PCDHA6: variants seen among roughly 807,000 people sequenced by gnomAD.
PCDHA6 encodes protocadherin alpha 6.
In PCDHA6, 55 loss-of-function variants were observed where a neutral mutation model predicts 60.3. The ratio of observed to expected loss-of-function variants is 0.91; its 90% CI spans 0.73 to 1.14. PCDHA6 has a LOEUF of 1.14. Among genes scored for constraint, PCDHA6 ranks in the 50% most tolerant of loss-of-function variants. The pLI is 0.00. For synonymous variants in PCDHA6, 652 were observed against 557.9 expected (o/e 1.17, Z -2.38); for missense variants, 1,327 against 1,256.5 (o/e 1.06, Z -0.85).
At position 140,838,077 on chromosome 5, in the gene PCDHA6, A is replaced by T. The variant is rs13165987; in HGVS notation, c.2394+7592A>T. ...TTTCCACTTTAAGTTATATATATATAGTGTGTGTGTGTGTGTGTGTGTGTG... is the reference window on the plus strand; with the variant it reads ...TTTCCACTTTAAGTTATATATATATTGTGTGTGTGTGTGTGTGTGTGTGTG... On this transcript the variant is annotated intron_variant, in intron 1 of 3. Coordinates refer to ENST00000529310, the MANE Select transcript of PCDHA6 (RefSeq NM_018909.4). 6.6e-3 allele frequency among the ~76,000 whole-genome samples: 531 copies of T among 80,680 alleles called. 3 individuals carry two copies. The highest frequency in any genetic ancestry group is 0.029 in the Middle Eastern group (4 of 136). The allele number at this position is 80,680 out of a possible 152,430, so 52.9% of individuals were successfully genotyped here. A position where few individuals can be genotyped will look rare whatever the true frequency, so the allele number is the denominator to read the frequency against.
chr5:140,851,939 T>C lies in PCDHA6; in HGVS notation c.2394+21454T>C, dbSNP rs1034912000. ...ATGTTATGTTTCCTGAATTGTAGTATGTGACTTTCAAAATGGTGGTTTTCC... is the reference window on the plus strand; with the variant it reads ...ATGTTATGTTTCCTGAATTGTAGTACGTGACTTTCAAAATGGTGGTTTTCC... On this transcript the variant is annotated intron_variant, in intron 1 of 3. Transcript: ENST00000529310. The C allele has an allele frequency of 2.2e-4, 214 of 966,074 alleles. 16 individuals carry two copies. The highest frequency in any genetic ancestry group is 1.3e-3 in the Admixed American group (21 of 15,930). The allele number at this position is 966,074 out of a possible 1,614,324, so 59.8% of individuals were successfully genotyped here.
chr5:140,997,995 T>C (rs573319923), intron 3 of PCDHA6, among the ~76,000 whole-genome samples: 1 of 152,304 alleles, frequency 6.6e-6, no homozygotes, highest in East Asian at 1.9e-4. Flanking sequence ...CATACTTCCC[T>C]CTGAGCCTTC....
chr5:140,884,276 G>A (rs2060082773), intron 1 of PCDHA6: 4 of 1,613,638 alleles, frequency 2.5e-6, no homozygotes, highest in East Asian at 2.2e-5. Flanking sequence ...GTTGTCGCTG[G>A]TGGAGAGCGG....
intron 1 of PCDHA6, chr5:140,850,293 G>C (rs2150478191): frequency 6.3e-7 from 1 of 1,596,282 alleles, no homozygotes; most frequent in Non-Finnish European, 8.6e-7. Flanking sequence ...AGTGGACGCC[G>C]ACTCGGGCTA....
At chr5:140,867,449 G>A (rs1423382267) in intron 1 of PCDHA6, 3 of 152,036 alleles carry the variant, frequency 2.0e-5, no homozygotes, top group African/African-American at 7.2e-5. Context: ...CTGAATTAGA[G>A]TTCTAGTGTT....
chr5:140,839,258 G>A (rs1776122632), intron 1 of PCDHA6, among the ~76,000 whole-genome samples: 1 of 151,954 alleles, frequency 6.6e-6, no homozygotes, highest in Non-Finnish European at 1.5e-5. Flanking sequence ...ATGCTTACAT[G>A]CATGTATATT....
intron 1 of PCDHA6, chr5:140,883,583 G>T (rs782212784): frequency 2.5e-6 from 4 of 1,613,916 alleles, no homozygotes; most frequent in Non-Finnish European, 3.4e-6. Context: ...GTGGGCCACG[G>T]CCAGCGTGTC....
At chr5:140,993,032 G>A (rs1356944264) in intron 3 of PCDHA6, among the ~76,000 whole-genome samples, 2 of 152,286 alleles carry the variant, frequency 1.3e-5, no homozygotes, top group South Asian at 2.1e-4. Flanking sequence ...TGTGGGCTCC[G>A]TGTGTCATCA....
At chr5:140,900,199 G>C (rs1383731759) in intron 1 of PCDHA6, among the ~76,000 whole-genome samples, 1 of 152,172 alleles carries the variant, frequency 6.6e-6, no homozygotes, top group Non-Finnish European at 1.5e-5. Context: ...ATGACATCCA[G>C]TTTCATCCAG....
intron 3 of PCDHA6, among the ~76,000 whole-genome samples, chr5:141,003,283 G>A (rs1331116001): frequency 3.3e-5 from 5 of 152,188 alleles, no homozygotes; most frequent in African/African-American, 1.2e-4. Flanking sequence ...GCCCAAATTG[G>A]ATTATAGGAT....
At chr5:140,976,491 C>T (rs1478947639) in intron 1 of PCDHA6, among the ~76,000 whole-genome samples, 2 of 152,172 alleles carry the variant, frequency 1.3e-5, no homozygotes, top group East Asian at 1.9e-4. Context: ...GCAGAGGTTG[C>T]AGGGAGCCAA....
rs2150171647 is a variant in PCDHA6 at position 140,829,626 on chromosome 5, C to T, written c.1535C>T (p.Ala512Val). The T allele has an allele frequency of 1.2e-6, 2 of 1,612,184 alleles. No individual in the cohort carries two copies. The highest frequency in any genetic ancestry group is 1.1e-5 in the South Asian group (1 of 91,000). ...TTGTCGAGCTACATTTCGGTGCACG[C>T]GGAGAGCGGCAAGGTGTACGCGCTG... ...RALSSYISVH[A>V]ESGKVYALQP... The change falls in exon 1 of 4, where the codon GCG (alanine) becomes GTG (valine). Residue 512 changes from alanine (A) to valine (V), a missense_variant. Physicochemically the swap from Ala to Val is moderately conservative, Grantham distance 64. Transcript: ENST00000529310.
chr5:140,862,756 G>C (rs1027587772), intron 1 of PCDHA6: 46 of 577,592 alleles, frequency 8.0e-5, no homozygotes, highest in Non-Finnish European at 1.4e-4. Context: ...CGCGGAGAGC[G>C]GCAAGAGGTA....
intron 1 of PCDHA6, chr5:140,967,164 C>G (rs762120187): frequency 8.7e-6 from 14 of 1,611,226 alleles, no homozygotes; most frequent in Non-Finnish European, 1.2e-5. Flanking sequence ...GCGGTGAGCG[C>G]CGTTGAGGTG....
At chr5:141,005,680 C>T (rs1389178600) in intron 3 of PCDHA6, among the ~76,000 whole-genome samples, 6 of 111,878 alleles carry the variant, frequency 5.4e-5, no homozygotes, top group East Asian at 2.8e-4. Flanking sequence ...CCAGCCTGGG[C>T]GACAGAGCGA....
At chr5:140,923,116 T>C (rs1418111802) in intron 1 of PCDHA6, among the ~76,000 whole-genome samples, 1 of 152,216 alleles carries the variant, frequency 6.6e-6, no homozygotes, top group African/African-American at 2.4e-5. Flanking sequence ...TTTAAGTTTT[T>C]AGGGTCACAC....
intron 1 of PCDHA6, chr5:140,841,056 A>T: frequency 2.2e-6 from 1 of 445,048 alleles, no homozygotes; most frequent in Non-Finnish European, 3.9e-6. Context: ...TTACTATTAA[A>T]TTATGATAAA....
rs552289184 is a variant in PCDHA6, at chr5:140,942,884, T to C, written c.2395-36065T>C. 7.9e-5 allele frequency among the ~76,000 whole-genome samples: 12 copies of C among 152,178 alleles called. No individual in the cohort carries two copies. In the East Asian group the frequency reaches 2.3e-3, roughly 29 times the overall value. ...TGCTTTAGCATGACAACTTTTTTCC[T>C]AAAATTTATCTCTAAGAATAAGCGT... On this transcript the variant is annotated intron_variant, in intron 1 of 3. Transcript: ENST00000529310.
intron 3 of PCDHA6, among the ~76,000 whole-genome samples, chr5:141,007,375 A>G (rs2098319986): frequency 6.8e-6 from 1 of 146,418 alleles, no homozygotes; most frequent in Non-Finnish European, 1.5e-5. Context: ...ACATGATGGA[A>G]CACCATCTCT....
Sources: allele counts gnomAD v4.1 joint callset (sites outside exome capture counted in the v4.1 genomes callset), GRCh38; gene constraint gnomAD v4.1.1; transcripts MANE v1.5; gene names NCBI Gene and HGNC (gene_info 2026-07-23, HGNC 2026-07-21).